JAM2: variants seen among roughly 807,000 people sequenced by gnomAD.
The protein encoded by JAM2 is junctional adhesion molecule 2.
Under a neutral mutation model 42.0 loss-of-function variants are expected in JAM2, and 17 were observed. The ratio of observed to expected loss-of-function variants is 0.40; its 90% CI spans 0.28 to 0.61. The LOEUF (loss-of-function observed/expected upper bound fraction) is 0.61, where lower values mean the gene tolerates loss of function less well. Ranked by LOEUF, JAM2 falls within the 20% of genes least tolerant of loss-of-function variation. JAM2 has a pLI of 0.37. For synonymous variants in JAM2, 118 were observed against 128.6 expected (o/e 0.92, Z 0.56); for missense variants, 319 against 358.3 (o/e 0.89, Z 0.89).
chr21:25,657,240 C>G (rs1479780217), intron 1 of JAM2, among the ~76,000 whole-genome samples: 2 of 152,104 alleles, frequency 1.3e-5, no homozygotes, highest in African/African-American at 4.8e-5. Flanking sequence ...TCTTGAACTC[C>G]TGGGCTCAAG....
chr21:25,675,853 A>G (rs972222745), intron 1 of JAM2, among the ~76,000 whole-genome samples: 1 of 152,220 alleles, frequency 6.6e-6, no homozygotes, highest in Non-Finnish European at 1.5e-5. Context: ...CCATATCAGT[A>G]TAATAATTGT....
chr21:25,710,664 G>C (rs1188420565), intron 8 of JAM2, among the ~76,000 whole-genome samples: 1 of 152,178 alleles, frequency 6.6e-6, no homozygotes, highest in Non-Finnish European at 1.5e-5. Context: ...GGACCAGGGT[G>C]GCTGGAACAG....
At chr21:25,663,022 G>A (rs979481055) in intron 1 of JAM2, among the ~76,000 whole-genome samples, 2 of 152,194 alleles carry the variant, frequency 1.3e-5, no homozygotes, top group Non-Finnish European at 1.5e-5. Context: ...AGGGGCCAGC[G>A]AAAGCTTTAC....
intron 1 of JAM2, among the ~76,000 whole-genome samples, chr21:25,655,918 T>A (rs1393382023): frequency 6.6e-6 from 1 of 151,610 alleles, no homozygotes; most frequent in Non-Finnish European, 1.5e-5. Context: ...CTAATAGTTT[T>A]TTTTTTTTAA....
intron 1 of JAM2, among the ~76,000 whole-genome samples, chr21:25,642,732 C>T (rs1399999771): frequency 6.6e-6 from 1 of 152,208 alleles, no homozygotes; most frequent in African/African-American, 2.4e-5. Flanking sequence ...TTGCTCACCA[C>T]TATATGTCCA....
intron 7 of JAM2, among the ~76,000 whole-genome samples, chr21:25,707,076 T>C (rs567039981): frequency 6.6e-6 from 1 of 152,322 alleles, no homozygotes; most frequent in South Asian, 2.1e-4. Context: ...TCTCAAGATA[T>C]AAGTTGATTT....
intron 1 of JAM2, among the ~76,000 whole-genome samples, chr21:25,658,815 G>A (rs1169863530): frequency 6.6e-6 from 1 of 152,176 alleles, no homozygotes; most frequent in Non-Finnish European, 1.5e-5. Context: ...GAGACCCACA[G>A]GACTATTTTT....
At chr21:25,661,280 A>G (rs891402924) in intron 1 of JAM2, among the ~76,000 whole-genome samples, 3 of 152,036 alleles carry the variant, frequency 2.0e-5, no homozygotes, top group Admixed American at 6.6e-5. Flanking sequence ...ACATGGCAAG[A>G]TTCCATCTCT....
intron 5 of JAM2, among the ~76,000 whole-genome samples, chr21:25,700,315 T>TA (rs1172406305): frequency 3.7e-5 from 5 of 133,648 alleles, no homozygotes; most frequent in African/African-American, 1.3e-4. Context: ...ACAGCGATTA[T>TA]CAAAAAAAAA....
At chr21:25,666,187 T>C (rs2033214997) in intron 1 of JAM2, among the ~76,000 whole-genome samples, 1 of 151,770 alleles carries the variant, frequency 6.6e-6, no homozygotes. Flanking sequence ...CAATTGTATA[T>C]CAACATTTTA....
At chr21:25,647,981 C>A (rs901386947) in intron 1 of JAM2, among the ~76,000 whole-genome samples, 2 of 152,150 alleles carry the variant, frequency 1.3e-5, no homozygotes, top group African/African-American at 4.8e-5. Context: ...GAGGCCAAGA[C>A]GGGTGGATCA....
At chr21:25,688,243 G>GGGGTGTGTGTGTGTGTGTGT (rs1555868472) in intron 2 of JAM2, among the ~76,000 whole-genome samples, 2 of 149,814 alleles carry the variant, frequency 1.3e-5, no homozygotes, top group Admixed American at 1.3e-4. Context: ...CACCAGGAGG[G>GGGGTGTGTGTGTGTGTGTGT]GTGTGTGTGT....
At chr21:25,687,497 A>C (rs933177169) in intron 2 of JAM2, among the ~76,000 whole-genome samples, 1 of 152,206 alleles carries the variant, frequency 6.6e-6, no homozygotes, top group East Asian at 1.9e-4. Flanking sequence ...GAAGAGAGAG[A>C]AGAGAATTCA....
At chr21:25,706,276 G>A (rs1033697472) in intron 7 of JAM2, among the ~76,000 whole-genome samples, 190 bp downstream of exon 7, 3 of 152,036 alleles carry the variant, frequency 2.0e-5, no homozygotes, top group African/African-American at 7.2e-5. Context: ...CCACCTCCCA[G>A]GTTCAAGTGA....
chr21:25,672,497 A>G (rs1357571147), intron 1 of JAM2, among the ~76,000 whole-genome samples: 1 of 152,220 alleles, frequency 6.6e-6, no homozygotes, highest in Non-Finnish European at 1.5e-5. Flanking sequence ...TTTATTTGAC[A>G]AGTAAATGAG....
intron 7 of JAM2, 130 bp from the exon 8 acceptor site, chr21:25,709,304 G>A: frequency 1.9e-6 from 1 of 518,954 alleles, no homozygotes; most frequent in Non-Finnish European, 3.3e-6. Flanking sequence ...TCTTAATTTA[G>A]AAGGTATAAA....
At chr21:25,648,202 T>A (rs1480119575) in intron 1 of JAM2, among the ~76,000 whole-genome samples, 1 of 145,486 alleles carries the variant, frequency 6.9e-6, no homozygotes, top group Non-Finnish European at 1.5e-5. Flanking sequence ...CACAGCAAGA[T>A]TCTGTCTCAA....
At chr21:25,694,038 A>G in intron 4 of JAM2, 130 bp downstream of exon 4, 1 of 826,016 alleles carries the variant, frequency 1.2e-6, no homozygotes. Context: ...AGTTACAGAG[A>G]CCATAAGCAT....
In JAM2 at chr21:25,708,418, A is replaced by G. The variant is rs79894104; in HGVS notation, c.806-1016A>G. Among the ~76,000 whole-genome samples the G allele has an allele frequency of 5.8e-3, 886 of 152,028 alleles. 7 individuals carry two copies. The highest frequency in any genetic ancestry group is 0.02 in the African/African-American group (848 of 41,420). On this transcript the variant is annotated intron_variant, in intron 7 of 9. Transcript: ENST00000480456. ...ACCCTTTCTTTACAAAAAATAAAAA[A>G]TAAGCCAGGCATCGTTGCACACACC...
Sources: gnomAD v4.1 joint callset for allele counts (sites outside exome capture counted in the v4.1 genomes callset) on GRCh38, gnomAD v4.1.1 for gene constraint, MANE v1.5 for transcripts, NCBI Gene and HGNC (gene_info 2026-07-23, HGNC 2026-07-21) for gene names.